The following DYNC1H1 variants were observed in gnomAD, a reference collection of about 807,000 sequenced individuals.
DYNC1H1 encodes cytoplasmic dynein 1 heavy chain 1.
In DYNC1H1, 51 loss-of-function variants were observed where a neutral mutation model predicts 527.1. The ratio of observed to expected loss-of-function variants is 0.10; its 90% confidence interval spans 0.08 to 0.12. The LOEUF is 0.12. DYNC1H1 is among the 10% of genes least tolerant of loss of function. The pLI is 1.00. For missense variants in DYNC1H1, 2,771 were observed against 5,971.8 expected, an observed-to-expected ratio of 0.46 and a Z score of 17.66; for synonymous variants, 2,189 against 2,278.8, an observed-to-expected ratio of 0.96 and a Z score of 1.12.
rs777752281 is a variant in DYNC1H1, at chr14:102,042,105, G to C, written c.12195G>C (p.Gln4065His). ...ACCTTGCAGCCGAGCAGAACACGCAGATCACTTCAATTGCAATCGGTAAGG... is the reference window on the plus strand; with the variant it reads ...ACCTTGCAGCCGAGCAGAACACGCACATCACTTCAATTGCAATCGGTAAGG... ...VEDLAAEQNTQITSIAIGSAE... is the reference protein window; with the variant it reads ...VEDLAAEQNTHITSIAIGSAE... The change falls in exon 66 of 78, where the codon CAG (glutamine) becomes CAC (histidine). Residue 4065 changes from glutamine to histidine, a missense_variant. Coordinates refer to ENST00000360184, the MANE Select transcript of DYNC1H1 (RefSeq NM_001376.5). This position sits in a 1 kb window ranked among gnomAD's most constrained non-coding sequence, Gnocchi z 5.7. 3.1e-6 allele frequency: 5 copies of C among 1,614,122 alleles called. No homozygotes were observed. In the South Asian group the frequency reaches 5.5e-5, roughly 18 times the overall value.
In DYNC1H1 at chr14:101,979,602, A is replaced by C; in HGVS notation, c.518+110A>C. The stretch of plus-strand genomic sequence containing the variant: ...GGTAACGCTAGTGAGCCGAGGGGAT[A>C]TAAACCCTGTGTATTAATAAATATG... On this transcript the variant is annotated intron_variant, in intron 3 of 77. Transcript: ENST00000360184. This position sits in a 1 kb window ranked among gnomAD's most constrained non-coding sequence, Gnocchi z 4.6. 6.2e-7 allele frequency: 1 copy of C among 1,606,492 alleles called. No homozygotes were observed. Among genetic ancestry groups the C allele is most frequent in the Non-Finnish European group, 8.5e-7 (1 of 1,174,728 alleles).
In DYNC1H1 at chr14:102,042,949, G is replaced by A. The variant is rs988883915; in HGVS notation, c.12513+201G>A. On this transcript the variant is annotated intron_variant, in intron 69 of 77. Coordinates refer to ENST00000360184, the MANE Select transcript of DYNC1H1 (RefSeq NM_001376.5). The surrounding 1 kb of genome is among the most constrained non-coding windows in gnomAD (Gnocchi z 5.7). ...CACTGGTAATCCTAGCACTTTGGAA[G>A]GTCGAGGTGGGAGGATCACTTGAGC... 3.1e-6 allele frequency: 2 copies of A among 638,668 alleles called. No homozygotes were observed. The highest frequency in any genetic ancestry group is 1.8e-5 in the African/African-American group (1 of 55,840). The allele number at this position is 638,668 out of a possible 1,614,324, so 39.6% of individuals were successfully genotyped here.
intron 62 of DYNC1H1, 124 bp from the exon 63 acceptor site, chr14:102,040,112 T>A: frequency 7.4e-7 from 1 of 1,352,302 alleles, no homozygotes; most frequent in Non-Finnish European, 1.0e-6. Flanking sequence ...CCCAGAGTGC[T>A]GAGATTATAG....
intron 16 of DYNC1H1, among the ~76,000 whole-genome samples, chr14:101,998,247 G>A (rs112768516): frequency 2.7e-5 from 4 of 150,058 alleles, no homozygotes; most frequent in African/African-American, 7.4e-5. Flanking sequence ...TAATACAAAC[G>A]CCTGGACCCC....
chr14:102,015,581 G>A lies in DYNC1H1; in HGVS notation c.7242+249G>A, dbSNP rs571850919. Among the ~76,000 whole-genome samples, 51 of 152,334 alleles carry A rather than the reference G, an allele frequency of 3.3e-4. No individual in the cohort carries two copies. The highest frequency in any genetic ancestry group is 1.2e-3 in the African/African-American group (50 of 41,572). On this transcript the variant is annotated intron_variant, in intron 35 of 77. Transcript: ENST00000360184. The surrounding 1 kb of genome is among the most constrained non-coding windows in gnomAD (Gnocchi z 6.9). ...AGCAGCTACAAATGTTAAAAGTCAC[G>A]TATGGGAAAATTTAAAGAATTCTTT...
intron 2 of DYNC1H1, among the ~76,000 whole-genome samples, chr14:101,978,642 G>A (rs1821437361): frequency 6.6e-6 from 1 of 152,196 alleles, no homozygotes; most frequent in South Asian, 2.1e-4. Flanking sequence ...CTGTTCCCAA[G>A]AAGCTTGTCT....
chr14:102,050,013 T>A, intron 76 of DYNC1H1, 58 bp from the exon 77 acceptor site: 1 of 1,614,168 alleles, frequency 6.2e-7, no homozygotes, highest in Non-Finnish European at 8.5e-7. Context: ...GCCCTGTGAC[T>A]GGGGTTTGTG....
rs797045534 is a variant in DYNC1H1 at position 102,017,123 on chromosome 14, A to G, written c.7884A>G (p.Pro2628=). The G allele has an allele frequency of 9.3e-6, 15 of 1,614,254 alleles. No individual in the cohort carries two copies. The highest frequency in any genetic ancestry group is 1.2e-5 in the Non-Finnish European group (14 of 1,180,044). ...VGLNFSSATT[P]ELLLKTFDHY... Reference sequence around the variant, plus strand: ...TCAACTTCTCCAGTGCTACTACTCCAGAGCTGCTTCTGAAGACTTTTGATC... The same window carrying G: ...TCAACTTCTCCAGTGCTACTACTCCGGAGCTGCTTCTGAAGACTTTTGATC... Residue 2628 remains proline, a synonymous_variant, in exon 39 of 78, where the codon CCA becomes CCG. Coordinates refer to ENST00000360184, the MANE Select transcript of DYNC1H1 (RefSeq NM_001376.5). The surrounding 1 kb of genome is among the most constrained non-coding windows in gnomAD (Gnocchi z 4.6).
In DYNC1H1 at chr14:102,029,444, T is replaced by C. The variant is rs2048485815; in HGVS notation, c.9469-95T>C. The C allele has an allele frequency of 5.2e-6, 8 of 1,551,876 alleles. No individual in the cohort carries two copies. Among genetic ancestry groups the C allele is most frequent in the Non-Finnish European group, 6.2e-6 (7 of 1,133,846 alleles). On this transcript the variant is annotated intron_variant, in intron 48 of 77. Transcript: ENST00000360184. The surrounding 1 kb of genome is among the most constrained non-coding windows in gnomAD (Gnocchi z 5.3). ...GGCCCCGAGGGCCAGGCTCCTTCTA[T>C]CATGTCACACCCATCTGCCAAGGCC...
intron 2 of DYNC1H1, 136 bp downstream of exon 2, chr14:101,975,935 T>C (rs1329151840): frequency 1.4e-6 from 1 of 699,084 alleles, no homozygotes; most frequent in East Asian, 3.2e-5. Context: ...GAGACGGAGT[T>C]TCGCTCTTGT....
rs1287359925 is a variant in DYNC1H1 at position 102,047,639 on chromosome 14, G to GTATATATA, written c.13007-177_13007-176insATATATAT. 4.7e-4 allele frequency: 167 copies of GTATATATA among 352,002 alleles called. 1 individual carries two copies. The African/African-American group carries it at 7.3e-3, about 15-fold the overall frequency. The allele number at this position is 352,002 out of a possible 1,614,324, so 21.8% of individuals were successfully genotyped here. A position where few individuals can be genotyped will look rare whatever the true frequency, so the allele number is the denominator to read the frequency against. On this transcript the variant is annotated intron_variant, in intron 72 of 77. Transcript: ENST00000360184. ...TATACACGTGTGTGTGTGTGTGTGT[G>GTATATATA]TGTATATATATATATATATATATAT...
intron 72 of DYNC1H1, among the ~76,000 whole-genome samples, chr14:102,045,932 C>T (rs954887088): frequency 2.0e-5 from 3 of 151,810 alleles, no homozygotes; most frequent in Non-Finnish European, 4.4e-5. Flanking sequence ...TTTGGGAGGC[C>T]GAGGTGGGCG....
Position 102,033,241 on chromosome 14 carries a change from A to G in DYNC1H1, c.10198-28A>G. On this transcript the variant is annotated intron_variant, in intron 53 of 77. Transcript: ENST00000360184. The surrounding 1 kb of genome is among the most constrained non-coding windows in gnomAD (Gnocchi z 5.6). ...GGTGACCTCTTTTCCTGTCACTTAA[A>G]TAACAGTTATCAATTGGTTCTTCCC... The G allele has an allele frequency of 3.7e-6, 6 of 1,614,222 alleles. No individual in the cohort carries two copies. Among genetic ancestry groups the G allele is most frequent in the Middle Eastern group, 1.6e-4 (1 of 6,062 alleles).
Position 102,033,972 on chromosome 14 carries a change from T to G in DYNC1H1, c.10414-4T>G. The G allele has an allele frequency of 6.2e-7, 1 of 1,613,796 alleles. No individual in the cohort carries two copies. Among genetic ancestry groups the G allele is most frequent in the Non-Finnish European group, 8.5e-7 (1 of 1,179,966 alleles). ...CTGAGCATCTTGTTCGGTTTTCCTT[T>G]TAGGTAAACCGGAGCACTGCTCTTC... On this transcript the variant is annotated splice_polypyrimidine_tract_variant and splice_region_variant and intron_variant, in intron 54 of 77. Transcript: ENST00000360184. The surrounding 1 kb of genome is among the most constrained non-coding windows in gnomAD (Gnocchi z 5.6).
chr14:102,006,257 G>T, intron 27 of DYNC1H1, 87 bp downstream of exon 27: 1 of 1,573,342 alleles, frequency 6.4e-7, no homozygotes. Context: ...ACTTCTTTTT[G>T]AGATGGAGTG....
intron 11 of DYNC1H1, among the ~76,000 whole-genome samples, chr14:101,993,884 A>G (rs1032789257): frequency 6.6e-6 from 1 of 152,246 alleles, no homozygotes; most frequent in Admixed American, 6.5e-5. Context: ...TACCTAGAAC[A>G]GTGCCTGGCA....
At chr14:101,976,001 G>A (rs1238071907) in intron 2 of DYNC1H1, among the ~76,000 whole-genome samples, 8 of 150,600 alleles carry the variant, frequency 5.3e-5, no homozygotes, top group African/African-American at 2.0e-4. Flanking sequence ...TCTGCCTCCC[G>A]GGTTCAAGCA....
rs758370389 is a variant in DYNC1H1 at position 101,979,319 on chromosome 14, C to T, written c.345C>T (p.Ser115=). Residue 115 remains serine, a splice_region_variant and synonymous_variant, in exon 3 of 78, where the codon AGC becomes AGT. Transcript: ENST00000360184. The surrounding 1 kb of genome is among the most constrained non-coding windows in gnomAD (Gnocchi z 4.6). The part of the protein sequence containing the change: ...IDIHYGVKSN[S]LAFIKRTPVI... ...TTTCTTGTTTTATTTTTCTTTTTAGCTTGGCATTCATTAAACGTACTCCCG... is the reference window on the plus strand; with the variant it reads ...TTTCTTGTTTTATTTTTCTTTTTAGTTTGGCATTCATTAAACGTACTCCCG... The T allele has an allele frequency of 1.2e-6, 2 of 1,613,956 alleles. No individual in the cohort carries two copies. The highest frequency in any genetic ancestry group is 1.7e-6 in the Non-Finnish European group (2 of 1,179,946).
chr14:102,027,350 A>T lies in DYNC1H1; in HGVS notation c.8887-33A>T, dbSNP rs912776414. 5 of 1,614,166 alleles carry T rather than the reference A, an allele frequency of 3.1e-6. No homozygotes were observed. The Admixed American group carries it at 6.7e-5, about 22-fold the overall frequency. ...GATGTGTGTGCAGAGCTCAGTGAGT[A>T]GGAATGGACCTAACTTGCCTCTGCT... is the stretch of plus-strand genomic sequence containing the variant. On this transcript the variant is annotated intron_variant, in intron 45 of 77. Coordinates refer to ENST00000360184, the MANE Select transcript of DYNC1H1 (RefSeq NM_001376.5). This position sits in a 1 kb window ranked among gnomAD's most constrained non-coding sequence, Gnocchi z 7.7.
Sources: allele counts gnomAD v4.1 joint callset (sites outside exome capture counted in the v4.1 genomes callset), GRCh38; gene constraint gnomAD v4.1.1; non-coding constraint Gnocchi (gnomAD v3.1); transcripts MANE v1.5; gene names NCBI Gene and HGNC (gene_info 2026-07-23, HGNC 2026-07-21).